The following PLS1 variants were observed in gnomAD, a reference collection of about 807,000 sequenced individuals.
PLS1 encodes plastin-1.
Under a neutral mutation model 73.7 loss-of-function variants are expected in PLS1, and 32 were observed. The observed-to-expected ratio is 0.43, with a 90% CI of 0.33 to 0.58. The LOEUF is 0.58. Among genes scored for constraint, PLS1 ranks in the 20% least tolerant of loss-of-function variants. The probability of loss-of-function intolerance (pLI) is 0.04; values close to 1 mark genes in which losing one functional copy is unlikely to be tolerated. For synonymous variants in PLS1, 217 were observed against 261.3 expected (o/e 0.83, Z 1.63); for missense variants, 633 against 740.5 (o/e 0.85, Z 1.68).
At chr3:142,615,794 A>G (rs1316782044) in intron 1 of PLS1, among the ~76,000 whole-genome samples, 1 of 152,066 alleles carries the variant, frequency 6.6e-6, no homozygotes, top group African/African-American at 2.4e-5. Context: ...TTAACACTTT[A>G]CCCCACCCCA....
At chr3:142,658,878 T>C (rs2037301292) in intron 1 of PLS1, among the ~76,000 whole-genome samples, 1 of 152,220 alleles carries the variant, frequency 6.6e-6, no homozygotes, top group Admixed American at 6.5e-5. Context: ...AAACTAGTTA[T>C]GATGCTTGCC....
chr3:142,709,676 G>A (rs187169163), intron 14 of PLS1, among the ~76,000 whole-genome samples: 8 of 152,226 alleles, frequency 5.3e-5, no homozygotes. Flanking sequence ...TATCAGCCGG[G>A]TGTGGTGGCC....
intron 1 of PLS1, among the ~76,000 whole-genome samples, chr3:142,607,628 C>G (rs1201682388): frequency 6.6e-6 from 1 of 152,204 alleles, no homozygotes; most frequent in Non-Finnish European, 1.5e-5. Context: ...AATTAATGAA[C>G]TGATCTTGTT....
intron 1 of PLS1, among the ~76,000 whole-genome samples, chr3:142,604,599 A>G (rs1476089712): frequency 6.6e-6 from 1 of 152,168 alleles, no homozygotes; most frequent in Non-Finnish European, 1.5e-5. Context: ...AATAATAGCA[A>G]TTTGCTTGAT....
intron 1 of PLS1, among the ~76,000 whole-genome samples, chr3:142,606,975 G>T (rs116296734): frequency 0.012 from 1,821 of 152,184 alleles, 18 homozygotes; most frequent in Middle Eastern, 0.031. Flanking sequence ...GGAATTGCTG[G>T]GTCATATCAC....
At chr3:142,688,908 C>A (rs1368555701) in intron 9 of PLS1, among the ~76,000 whole-genome samples, 1 of 152,058 alleles carries the variant, frequency 6.6e-6, no homozygotes, top group African/African-American at 2.4e-5. Context: ...ACTTGTTTTT[C>A]ATCAAGAAGA....
intron 1 of PLS1, among the ~76,000 whole-genome samples, chr3:142,655,826 C>T (rs1309465292): frequency 6.6e-6 from 1 of 151,780 alleles, no homozygotes; most frequent in African/African-American, 2.4e-5. Context: ...CATAATGGTG[C>T]ATAATTGAAG....
At chr3:142,638,488 C>T (rs1377078561) in intron 1 of PLS1, among the ~76,000 whole-genome samples, 1 of 152,200 alleles carries the variant, frequency 6.6e-6, no homozygotes, top group African/African-American at 2.4e-5. Context: ...TTGGCGGAAA[C>T]ATGCCTGCTT....
At chr3:142,620,472 T>C (rs901624770) in intron 1 of PLS1, among the ~76,000 whole-genome samples, 11 of 152,196 alleles carry the variant, frequency 7.2e-5, no homozygotes, top group Admixed American at 6.5e-5. Flanking sequence ...TTCTCACAGA[T>C]GATATGACAA....
chr3:142,655,699 G>A (rs1249564358), intron 1 of PLS1, among the ~76,000 whole-genome samples: 5 of 140,878 alleles, frequency 3.5e-5, no homozygotes, highest in Admixed American at 7.5e-5. Context: ...TCCAGCCTGG[G>A]CAACAAGAAC....
chr3:142,682,284 C>G (rs1389113671), intron 6 of PLS1, among the ~76,000 whole-genome samples: 2 of 152,088 alleles, frequency 1.3e-5, no homozygotes, highest in African/African-American at 4.8e-5. Context: ...GTTAATGGGT[C>G]TTTTAGGTAG....
At chr3:142,644,244 GGTTTTTT>G (rs1316089091) in intron 1 of PLS1, among the ~76,000 whole-genome samples, 26 of 151,570 alleles carry the variant, frequency 1.7e-4, no homozygotes, top group Non-Finnish European at 3.2e-4. Flanking sequence ...TTCTTTGGTA[GGTTTTTT>G]GTTTTTTGTT....
At chr3:142,636,279 A>G (rs1320062787) in intron 1 of PLS1, among the ~76,000 whole-genome samples, 3 of 152,250 alleles carry the variant, frequency 2.0e-5, no homozygotes, top group Admixed American at 6.5e-5. Flanking sequence ...TAGAAAGTCC[A>G]TAAATAGGCT....
intron 1 of PLS1, among the ~76,000 whole-genome samples, chr3:142,605,551 A>G (rs1195316073): frequency 1.3e-5 from 2 of 152,122 alleles, no homozygotes; most frequent in African/African-American, 4.8e-5. Context: ...TTGTATTTCT[A>G]GTAGAGACAT....
intron 1 of PLS1, among the ~76,000 whole-genome samples, chr3:142,598,305 T>C (rs2035848424): frequency 6.6e-6 from 1 of 152,190 alleles, no homozygotes; most frequent in South Asian, 2.1e-4. Context: ...GCACAAAGTA[T>C]ATTCTTAGCC....
intron 3 of PLS1, 73 bp downstream of exon 3, chr3:142,669,626 T>A: frequency 3.0e-6 from 3 of 998,642 alleles, no homozygotes; most frequent in Non-Finnish European, 4.3e-6. Flanking sequence ...CATCACTAGC[T>A]TTGGTTAAAT....
intron 1 of PLS1, among the ~76,000 whole-genome samples, chr3:142,629,877 T>C (rs2036516017): frequency 6.6e-6 from 1 of 152,150 alleles, no homozygotes; most frequent in African/African-American, 2.4e-5. Context: ...CTCAACACAC[T>C]AGATGCCAGT....
intron 1 of PLS1, among the ~76,000 whole-genome samples, chr3:142,658,796 ATT>A (rs2037300172): frequency 6.6e-6 from 1 of 152,252 alleles, no homozygotes; most frequent in Non-Finnish European, 1.5e-5. Flanking sequence ...AGTTGGAAGA[ATT>A]AACACTTTAC....
At position 142,678,016 on chromosome 3, in the gene PLS1, C is replaced by T. The variant is rs1577879348; in HGVS notation, c.498-16C>T. 2.2e-6 allele frequency: 3 copies of T among 1,336,716 alleles called. No homozygotes were observed. The highest frequency in any genetic ancestry group is 3.1e-6 in the Non-Finnish European group (3 of 964,872). The allele number at this position is 1,336,716 out of a possible 1,614,324, so 82.8% of individuals were successfully genotyped here. A position where few individuals can be genotyped will look rare whatever the true frequency, so the allele number is the denominator to read the frequency against. ...TCTTGGAGTATTAAACTAAATTATT[C>T]TCATTTTCTCTTTAGCAAAATGATC... On this transcript the variant is annotated splice_polypyrimidine_tract_variant and intron_variant, in intron 5 of 15. Transcript: ENST00000457734.
Sources: gnomAD v4.1 joint callset for allele counts (sites outside exome capture counted in the v4.1 genomes callset) on GRCh38, gnomAD v4.1.1 for gene constraint, MANE v1.5 for transcripts, NCBI Gene and HGNC (gene_info 2026-07-23, HGNC 2026-07-21) for gene names.